RASSF3: variants seen among roughly 807,000 people sequenced by gnomAD.
The protein encoded by RASSF3 is Ras association domain family member 3.
Under a neutral mutation model 19.9 loss-of-function variants are expected in RASSF3, and 19 were observed. The observed-to-expected ratio is 0.96, with a 90% CI of 0.67 to 1.40. RASSF3 has a LOEUF of 1.40. Ranked by LOEUF, RASSF3 falls within the 40% of genes most tolerant of loss-of-function variation. RASSF3 has a pLI of 0.00. For synonymous variants in RASSF3, 110 were observed against 104.2 expected (o/e 1.06, Z -0.34); for missense variants, 306 against 289.8 (o/e 1.06, Z -0.41).
chr12:64,682,550 G>A (rs568578144), intron 1 of RASSF3, among the ~76,000 whole-genome samples: 108 of 148,052 alleles, frequency 7.3e-4, no homozygotes, highest in Admixed American at 1.6e-3. Flanking sequence ...CTGGGTGACA[G>A]AGCAAGACTC....
intron 1 of RASSF3, among the ~76,000 whole-genome samples, chr12:64,640,550 G>A (rs1371518855): frequency 6.6e-6 from 1 of 152,196 alleles, no homozygotes; most frequent in Non-Finnish European, 1.5e-5. Flanking sequence ...GTGGAATTAT[G>A]CAGTATTTGT....
chr12:64,514,253 G>T (rs1384526014), intron 1 of RASSF3, among the ~76,000 whole-genome samples: 2 of 145,824 alleles, frequency 1.4e-5, no homozygotes, highest in Non-Finnish European at 3.0e-5. Context: ...GAGTGCAGTG[G>T]CATGATCTCG....
rs1868395739 is a variant in RASSF3 at position 64,697,270 on chromosome 12, G to T, written c.*2358G>T. ...GCAGCAGCATTTTTAATGTGTAAGTGAAGAAAAAAGGCCACTAAGGCCAAA... is the reference window on the plus strand; with the variant it reads ...GCAGCAGCATTTTTAATGTGTAAGTTAAGAAAAAAGGCCACTAAGGCCAAA... On this transcript the variant is annotated 3_prime_UTR_variant, in exon 5 of 5. Coordinates refer to ENST00000542104, the MANE Select transcript of RASSF3 (RefSeq NM_178169.4). The T allele has an allele frequency of 6.6e-6, 1 of 151,972 alleles. No homozygotes were observed. Among genetic ancestry groups the T allele is most frequent in the African/African-American group, 2.4e-5 (1 of 41,402 alleles). 9.4% of individuals were successfully genotyped at this position (151,972 alleles called of 1,614,324 possible).
At chr12:64,676,710 A>T (rs1215719604) in intron 1 of RASSF3, among the ~76,000 whole-genome samples, 1 of 151,274 alleles carries the variant, frequency 6.6e-6, no homozygotes, top group Non-Finnish European at 1.5e-5. Context: ...ACTGCAGGTG[A>T]TCTATCCACC....
At chr12:64,558,241 C>T (rs1190826451) in intron 2 of RASSF3, among the ~76,000 whole-genome samples, 5 of 152,192 alleles carry the variant, frequency 3.3e-5, no homozygotes, top group East Asian at 1.9e-4. Context: ...GCTCCATTTA[C>T]GCCACCATAG....
rs117029092 is a variant in RASSF3, at chr12:64,651,181, C to T, written c.112-33606C>T. On this transcript the variant is annotated intron_variant, in intron 1 of 4. Coordinates refer to ENST00000542104, the MANE Select transcript of RASSF3 (RefSeq NM_178169.4). ...GTGTCTTAATGGGCTGTGCCTCTCT[C>T]GTGTCCCCTCTTTTAAAAAAAAATT... 2.3e-3 allele frequency among the ~76,000 whole-genome samples: 349 copies of T among 152,150 alleles called. 1 individual carries two copies. Among genetic ancestry groups the T allele is most frequent in the Non-Finnish European group, 3.7e-3 (254 of 68,030 alleles).
chr12:64,550,532 G>GT (rs145588686), intron 2 of RASSF3, among the ~76,000 whole-genome samples: 3,748 of 152,098 alleles, frequency 0.025, 146 homozygotes, highest in African/African-American at 0.085. Context: ...AGGTGTGGTG[G>GT]TGCACACCTG....
rs1490222535 is a variant in RASSF3, at chr12:64,688,218, T to C, written c.222T>C (p.Asn74=). 6.2e-7 allele frequency: 1 copy of C among 1,612,060 alleles called. No homozygotes were observed. The highest frequency in any genetic ancestry group is 1.7e-5 in the Admixed American group (1 of 60,018). ...AVTDKLKMTL[N]SNGIYTGFIK... The stretch of plus-strand genomic sequence containing the variant: ...GTGTGCTTCTCTCCCTGCTTCAGAA[T>C]TCAAATGGGATTTACACTGGCTTCA... Residue 74 remains asparagine, a splice_region_variant and synonymous_variant, in exon 3 of 5, where the codon AAT becomes AAC. Transcript: ENST00000542104.
At chr12:64,569,888 C>T (rs564386177) in intron 2 of RASSF3, among the ~76,000 whole-genome samples, 2 of 152,236 alleles carry the variant, frequency 1.3e-5, no homozygotes, top group African/African-American at 2.4e-5. Flanking sequence ...CTGCTTGAAC[C>T]GGGGAGGCGG....
intron 1 of RASSF3, among the ~76,000 whole-genome samples, chr12:64,657,390 T>A (rs1361887164): frequency 6.6e-6 from 1 of 152,244 alleles, no homozygotes; most frequent in Non-Finnish European, 1.5e-5. Context: ...GAACTCAGTG[T>A]CAAATAACTA....
At chr12:64,605,342 T>C (rs1329137803) in intron 2 of RASSF3, among the ~76,000 whole-genome samples, 1 of 149,670 alleles carries the variant, frequency 6.7e-6, no homozygotes, top group South Asian at 2.1e-4. Context: ...TTAAAGCCAA[T>C]TTAAATACCT....
chr12:64,540,439 A>G (rs1367678127), intron 1 of RASSF3, among the ~76,000 whole-genome samples: 1 of 152,192 alleles, frequency 6.6e-6, no homozygotes, highest in Non-Finnish European at 1.5e-5. Context: ...ATCCTACTCC[A>G]AGGTATATAT....
intron 1 of RASSF3, among the ~76,000 whole-genome samples, chr12:64,642,559 C>CAAAA (rs67771603): frequency 1.4e-4 from 6 of 43,990 alleles, no homozygotes; most frequent in Non-Finnish European, 2.0e-4. Flanking sequence ...GACTCCATCT[C>CAAAA]AAAAAAAAAA....
At chr12:64,689,217 C>CGG (rs1391337765) in intron 3 of RASSF3, among the ~76,000 whole-genome samples, 1 of 96,604 alleles carries the variant, frequency 1.0e-5, no homozygotes, top group East Asian at 2.8e-4. Context: ...GATTTGAAAT[C>CGG]GGGGTGTGTG....
exon 1 of RASSF3, chr12:64,507,075 G>A (rs779067119): frequency 5.5e-5 from 22 of 397,400 alleles, no homozygotes; most frequent in Non-Finnish European, 8.4e-5. Context: ...GGGGATTTAG[G>A]GCTAACAGGT....
chr12:64,684,009 A>AGAGTGTGTGTGTGT (rs1375668873), intron 1 of RASSF3, among the ~76,000 whole-genome samples: 1 of 73,908 alleles, frequency 1.4e-5, no homozygotes, highest in Admixed American at 1.3e-4. Flanking sequence ...AGAGAGAGAG[A>AGAGTGTGTGTGTGT]GTGAGTGTGT....
chr12:64,534,995 T>C (rs1188136598), intron 1 of RASSF3, among the ~76,000 whole-genome samples: 1 of 152,170 alleles, frequency 6.6e-6, no homozygotes, highest in Non-Finnish European at 1.5e-5. Flanking sequence ...ACACCGTCAT[T>C]TTATGTACCA....
chr12:64,679,352 C>G (rs1398864705), intron 1 of RASSF3, among the ~76,000 whole-genome samples: 1 of 152,218 alleles, frequency 6.6e-6, no homozygotes, highest in Non-Finnish European at 1.5e-5. Context: ...AGCCACCGCT[C>G]CCAGCCTGAA....
At chr12:64,578,389 C>G (rs533499055) in intron 2 of RASSF3, among the ~76,000 whole-genome samples, 3 of 152,286 alleles carry the variant, frequency 2.0e-5, no homozygotes, top group African/African-American at 7.2e-5. Flanking sequence ...TGTGGTGGCT[C>G]CTGCCTGTAA....
Sources: gnomAD v4.1 joint callset for allele counts (sites outside exome capture counted in the v4.1 genomes callset) on GRCh38, gnomAD v4.1.1 for gene constraint, MANE v1.5 for transcripts, NCBI Gene and HGNC (gene_info 2026-07-23, HGNC 2026-07-21) for gene names.